Variants in DLG2 observed in about 807,000 individuals in gnomAD.
The protein encoded by DLG2 is disks large homolog 2.
In DLG2, 45 loss-of-function variants were observed where a neutral mutation model predicts 132.5. That is an observed-to-expected ratio of 0.34 (90% confidence interval 0.27 to 0.44). The LOEUF is 0.44. Among genes scored for constraint, DLG2 ranks in the 20% least tolerant of loss-of-function variants. The pLI, the probability that DLG2 is intolerant of heterozygous loss-of-function variation, is 1.00. For synonymous variants in DLG2, 424 were observed against 419.6 expected (o/e 1.01, Z -0.13); for missense variants, 1,045 against 1,196.9 (o/e 0.87, Z 1.87).
intron 7 of DLG2, among the ~76,000 whole-genome samples, chr11:84,438,364 C>A (rs1227707775): frequency 6.6e-6 from 1 of 152,130 alleles, no homozygotes; most frequent in Non-Finnish European, 1.5e-5. Flanking sequence ...TGTAAAAGAA[C>A]TGAGGCCTCT....
At chr11:83,881,591 C>G (rs1016144828) in intron 15 of DLG2, among the ~76,000 whole-genome samples, 6 of 152,116 alleles carry the variant, frequency 3.9e-5, no homozygotes, top group Admixed American at 1.3e-4. Flanking sequence ...ACAGATCTCC[C>G]TCCAGTGTAA....
At chr11:83,547,164 C>T (rs745732763) in intron 19 of DLG2, among the ~76,000 whole-genome samples, 1 of 152,062 alleles carries the variant, frequency 6.6e-6, no homozygotes, top group Non-Finnish European at 1.5e-5. Context: ...CACTTTAAAG[C>T]TAGGATAGCA....
chr11:83,929,607 C>G (rs1591266875), intron 15 of DLG2, among the ~76,000 whole-genome samples: 1 of 152,152 alleles, frequency 6.6e-6, no homozygotes, highest in African/African-American at 2.4e-5. Context: ...AAAACATTCT[C>G]AAAACATTCT....
chr11:83,932,980 G>A (rs911051200), intron 14 of DLG2, among the ~76,000 whole-genome samples: 8 of 152,136 alleles, frequency 5.3e-5, no homozygotes, highest in East Asian at 1.9e-4. Context: ...TGTGAGAGTC[G>A]CTCCAATGGG....
chr11:83,937,245 T>C (rs759287612), intron 14 of DLG2, among the ~76,000 whole-genome samples: 51 of 152,216 alleles, frequency 3.4e-4, no homozygotes, highest in African/African-American at 8.7e-4. Context: ...CGGTGGCTCA[T>C]GCCTGTAATC....
chr11:84,490,504 C>T (rs1172663849), intron 7 of DLG2, among the ~76,000 whole-genome samples: 1 of 151,922 alleles, frequency 6.6e-6, no homozygotes, highest in Non-Finnish European at 1.5e-5. Flanking sequence ...AACTTACTGG[C>T]CTCTGTTTAA....
intron 6 of DLG2, among the ~76,000 whole-genome samples, chr11:85,053,257 G>A (rs779080355): frequency 2.0e-5 from 3 of 152,060 alleles, no homozygotes; most frequent in Non-Finnish European, 4.4e-5. Flanking sequence ...GGTGCCATCT[G>A]CTTTAGGAGG....
rs2099541767 is a variant in DLG2 at position 84,591,172 on chromosome 11, C to T, written c.358-56441G>A. Among the ~76,000 whole-genome samples the T allele has an allele frequency of 2.0e-5, 3 of 151,384 alleles. No homozygotes were observed. The South Asian group carries it at 6.3e-4, about 32-fold the overall frequency. ...TCCATGCTGTTGTCATGTTCATACTCCTGCCCCCACCCTAAAGTTTTGTTA... is the reference window on the plus strand; with the variant it reads ...TCCATGCTGTTGTCATGTTCATACTTCTGCCCCCACCCTAAAGTTTTGTTA... On this transcript the variant is annotated intron_variant, in intron 6 of 27. Coordinates refer to ENST00000376104, the MANE Select transcript of DLG2 (RefSeq NM_001142699.3).
intron 3 of DLG2, among the ~76,000 whole-genome samples, chr11:85,356,903 C>T (rs575393199): frequency 1.3e-5 from 2 of 152,222 alleles, no homozygotes; most frequent in African/African-American, 2.4e-5. Context: ...CACTCCTCAA[C>T]AGTGTGTTTC....
At chr11:85,101,293 C>T (rs2070807920) in intron 6 of DLG2, among the ~76,000 whole-genome samples, 1 of 151,962 alleles carries the variant, frequency 6.6e-6, no homozygotes, top group African/African-American at 2.4e-5. Flanking sequence ...CGAGATATAT[C>T]TGAAAAGTCT....
At chr11:84,990,600 G>A (rs1176564251) in intron 6 of DLG2, among the ~76,000 whole-genome samples, 1 of 151,794 alleles carries the variant, frequency 6.6e-6, no homozygotes. Flanking sequence ...TATAGCAGCA[G>A]GAATGGACTA....
intron 3 of DLG2, among the ~76,000 whole-genome samples, chr11:85,413,987 G>C (rs1470214625): frequency 6.6e-6 from 1 of 151,970 alleles, no homozygotes; most frequent in African/African-American, 2.4e-5. Flanking sequence ...ATTGCTTTTG[G>C]CAGTACGGTC....
intron 3 of DLG2, among the ~76,000 whole-genome samples, chr11:85,485,675 C>G (rs549312722): frequency 6.6e-6 from 1 of 152,320 alleles, no homozygotes; most frequent in Admixed American, 6.5e-5. Context: ...GGGTTCTACA[C>G]TCTCACCGCA....
intron 7 of DLG2, among the ~76,000 whole-genome samples, chr11:84,252,352 T>A (rs2097396539): frequency 1.3e-5 from 2 of 151,778 alleles, no homozygotes; most frequent in Admixed American, 1.3e-4. Context: ...GGTTTCACCA[T>A]ATTGACCAGG....
intron 6 of DLG2, among the ~76,000 whole-genome samples, chr11:84,735,553 G>A (rs541900682): frequency 4.6e-5 from 7 of 151,876 alleles, no homozygotes; most frequent in East Asian, 1.9e-4. Flanking sequence ...TCTTACTAGC[G>A]GTCTTATCAA....
intron 7 of DLG2, among the ~76,000 whole-genome samples, chr11:84,386,057 T>C (rs1398195411): frequency 6.6e-6 from 1 of 152,052 alleles, no homozygotes; most frequent in Non-Finnish European, 1.5e-5. Flanking sequence ...TTTAGGGATT[T>C]TTTACATCTA....
At chr11:84,688,329 A>G (rs2099739897) in intron 6 of DLG2, among the ~76,000 whole-genome samples, 1 of 152,190 alleles carries the variant, frequency 6.6e-6, no homozygotes. Context: ...TATATATAAA[A>G]TAAATCACTG....
At chr11:85,253,332 G>A (rs1237381205) in intron 4 of DLG2, among the ~76,000 whole-genome samples, 1 of 152,178 alleles carries the variant, frequency 6.6e-6, no homozygotes, top group African/African-American at 2.4e-5. Flanking sequence ...TACTCATAAA[G>A]TGAAATACTG....
intron 21 of DLG2, among the ~76,000 whole-genome samples, chr11:83,488,639 A>G (rs934648177): frequency 3.9e-5 from 6 of 151,968 alleles, no homozygotes; most frequent in Admixed American, 3.3e-4. Context: ...AAAAAGTTTC[A>G]TAGTTCTAAA....
Sources: allele counts gnomAD v4.1 joint callset (sites outside exome capture counted in the v4.1 genomes callset), GRCh38; gene constraint gnomAD v4.1.1; transcripts MANE v1.5; gene names NCBI Gene and HGNC (gene_info 2026-07-23, HGNC 2026-07-21).